Variants in RPH3A observed in about 807,000 individuals in gnomAD.
RPH3A encodes the protein rabphilin-3A.
Under a neutral mutation model 102.2 loss-of-function variants are expected in RPH3A, and 48 were observed. That is an observed-to-expected ratio of 0.47 (90% confidence interval 0.37 to 0.60). The LOEUF (loss-of-function observed/expected upper bound fraction) is 0.60, where lower values mean the gene tolerates loss of function less well. Ranked by LOEUF, RPH3A falls within the 20% of genes least tolerant of loss-of-function variation. The pLI is 0.00. For synonymous variants in RPH3A, 310 were observed against 324.3 expected, an observed-to-expected ratio of 0.96 and a Z score of 0.47; for missense variants, 781 against 910.1, an observed-to-expected ratio of 0.86 and a Z score of 1.83.
At chr12:112,821,641 C>A (rs1425814559) in intron 2 of RPH3A, among the ~76,000 whole-genome samples, 1 of 152,190 alleles carries the variant, frequency 6.6e-6, no homozygotes, top group Non-Finnish European at 1.5e-5. Flanking sequence ...CTCTGACCAC[C>A]TATTTAAAAT....
intron 4 of RPH3A, among the ~76,000 whole-genome samples, chr12:112,843,012 T>A (rs895973265): frequency 2.6e-5 from 4 of 152,194 alleles, no homozygotes; most frequent in Non-Finnish European, 5.9e-5. Context: ...TAGTAGGCCC[T>A]CTGGGTATTT....
chr12:112,619,911 C>G (rs1443519239), intron 1 of RPH3A, among the ~76,000 whole-genome samples: 1 of 152,028 alleles, frequency 6.6e-6, no homozygotes, highest in East Asian at 1.9e-4. Context: ...CTTATTTTTT[C>G]CGAGTTACCA....
intron 1 of RPH3A, among the ~76,000 whole-genome samples, chr12:112,643,413 A>G (rs2039904707): frequency 6.6e-6 from 1 of 152,256 alleles, no homozygotes; most frequent in South Asian, 2.1e-4. Context: ...ATGCTAAGCT[A>G]GAGTTAAGCA....
chr12:112,797,134 G>A (rs1353536216), intron 2 of RPH3A, among the ~76,000 whole-genome samples: 1 of 152,120 alleles, frequency 6.6e-6, no homozygotes, highest in East Asian at 1.9e-4. Flanking sequence ...GGTACAAAGA[G>A]GGCTCCCCGA....
intron 1 of RPH3A, among the ~76,000 whole-genome samples, chr12:112,667,712 GA>G (rs2040097091): frequency 8.1e-6 from 1 of 123,588 alleles, no homozygotes; most frequent in Non-Finnish European, 1.6e-5. Context: ...GAGAGAGAGA[GA>G]GAGAGAGAAA....
chr12:112,772,433 T>C (rs1280054606), intron 1 of RPH3A, among the ~76,000 whole-genome samples: 3 of 152,156 alleles, frequency 2.0e-5, no homozygotes, highest in Non-Finnish European at 2.9e-5. Flanking sequence ...GCTGCAATAA[T>C]GGAAATGCCC....
chr12:112,748,778 C>T (rs2040765006), intron 1 of RPH3A, among the ~76,000 whole-genome samples: 1 of 152,146 alleles, frequency 6.6e-6, no homozygotes, highest in East Asian at 1.9e-4. Context: ...TACATGCATG[C>T]CTGAATGACC....
intron 12 of RPH3A, among the ~76,000 whole-genome samples, chr12:112,876,273 C>A (rs938926212): frequency 6.6e-6 from 1 of 152,180 alleles, no homozygotes; most frequent in African/African-American, 2.4e-5. Context: ...AAGTGCTACA[C>A]CTGTATTTGT....
At chr12:112,778,285 G>A (rs1377516155) in intron 1 of RPH3A, among the ~76,000 whole-genome samples, 1 of 152,158 alleles carries the variant, frequency 6.6e-6, no homozygotes, top group East Asian at 1.9e-4. Flanking sequence ...TCTTTAAAAA[G>A]CAGCCTAAAG....
At chr12:112,651,230 G>A (rs1305365453) in intron 1 of RPH3A, among the ~76,000 whole-genome samples, 1 of 151,902 alleles carries the variant, frequency 6.6e-6, no homozygotes, top group Non-Finnish European at 1.5e-5. Flanking sequence ...AGGCATGGTG[G>A]TGCATGCTTG....
At chr12:112,721,174 AC>A (rs1406178334) in intron 1 of RPH3A, among the ~76,000 whole-genome samples, 1 of 152,172 alleles carries the variant, frequency 6.6e-6, no homozygotes, top group East Asian at 1.9e-4. Flanking sequence ...TCAGCTAAAA[AC>A]AAAGCTCTAA....
intron 2 of RPH3A, among the ~76,000 whole-genome samples, chr12:112,812,933 G>T (rs183764800): frequency 6.6e-6 from 1 of 152,328 alleles, no homozygotes; most frequent in East Asian, 1.9e-4. Flanking sequence ...CTATTTGGCA[G>T]ACTTGATATC....
chr12:112,671,361 G>A (rs1052159034), intron 1 of RPH3A, among the ~76,000 whole-genome samples: 7 of 152,156 alleles, frequency 4.6e-5, no homozygotes, highest in Non-Finnish European at 7.3e-5. Flanking sequence ...TCCTCAGCTC[G>A]TGGCTATCAT....
chr12:112,869,894 C>T lies in RPH3A; in HGVS notation c.651C>T (p.Gly217=), dbSNP rs779668181. The change falls in exon 10 of 22, where the codon GGC becomes GGT. Residue 217 remains glycine, a splice_region_variant and synonymous_variant. Coordinates refer to ENST00000389385, the MANE Select transcript of RPH3A (RefSeq NM_001143854.2). ...CTCAATTCATGCTCTTCTTTCCAGG[C>T]CCTGACCCAGCCTCTGCTCCCGGGC... is the stretch of plus-strand genomic sequence containing the variant. ...EDRRGPGQKT[G]PDPASAPGRG... The T allele has an allele frequency of 6.2e-7, 1 of 1,613,938 alleles. No individual in the cohort carries two copies. Among genetic ancestry groups the T allele is most frequent in the East Asian group, 2.2e-5 (1 of 44,888 alleles).
At chr12:112,671,850 G>GATCT (rs1408578225) in intron 1 of RPH3A, among the ~76,000 whole-genome samples, 95 of 149,648 alleles carry the variant, frequency 6.3e-4, no homozygotes, top group African/African-American at 2.1e-3. Context: ...GAACCAATAG[G>GATCT]ATCTATCTAT....
At chr12:112,800,912 C>G (rs891833206) in intron 2 of RPH3A, among the ~76,000 whole-genome samples, 2 of 152,054 alleles carry the variant, frequency 1.3e-5, no homozygotes, top group Non-Finnish European at 2.9e-5. Context: ...TGCAAATGCC[C>G]GTTCCACGCT....
At chr12:112,584,448 C>T (rs971938850) in intron 1 of RPH3A, among the ~76,000 whole-genome samples, 2 of 152,208 alleles carry the variant, frequency 1.3e-5, no homozygotes, top group East Asian at 3.9e-4. Context: ...CCTACGCAAT[C>T]TAGGAGAAAG....
intron 1 of RPH3A, among the ~76,000 whole-genome samples, chr12:112,654,884 A>T (rs1269050149): frequency 2.0e-5 from 3 of 152,196 alleles, no homozygotes; most frequent in African/African-American, 7.2e-5. Context: ...TATGTGTGGG[A>T]GCATTATCAA....
At position 112,714,142 on chromosome 12, in the gene RPH3A, G is replaced by A. The variant is rs370817628; in HGVS notation, c.-139-78001G>A. On this transcript the variant is annotated intron_variant, in intron 1 of 21. Coordinates refer to the RPH3A transcript ENST00000543106. ...GATTCTGTCCCAATGTGTCTATCCC[G>A]TGGGTTCAGAAGGCTGGAGAGGGCA... 2.1e-4 allele frequency among the ~76,000 whole-genome samples: 32 copies of A among 152,262 alleles called. No individual in the cohort carries two copies. The East Asian group carries it at 3.5e-3, about 17-fold the overall frequency.
Sources: allele counts gnomAD v4.1 joint callset (sites outside exome capture counted in the v4.1 genomes callset), GRCh38; gene constraint gnomAD v4.1.1; transcripts MANE v1.5; gene names NCBI Gene and HGNC (gene_info 2026-07-23, HGNC 2026-07-21).